Variants in ERCC8 observed in about 807,000 individuals in gnomAD.
The protein encoded by ERCC8 is ERCC excision repair 8, CSA ubiquitin ligase complex subunit, also known as DNA excision repair protein ERCC-8.
In ERCC8, 52 loss-of-function variants were observed where a neutral mutation model predicts 54.9. The observed-to-expected ratio is 0.95, with a 90% CI of 0.76 to 1.19. The LOEUF is 1.19. Among genes scored for constraint, ERCC8 ranks in the 50% most tolerant of loss-of-function variants. The probability of loss-of-function intolerance (pLI) is 0.00; values close to 1 mark genes in which losing one functional copy is unlikely to be tolerated. For synonymous variants in ERCC8, 146 were observed against 157.2 expected, an observed-to-expected ratio of 0.93 and a Z score of 0.53; for missense variants, 514 against 466.1, an observed-to-expected ratio of 1.10 and a Z score of -0.95.
At chr5:60,904,176 A>G (rs1264080169) in intron 5 of ERCC8, among the ~76,000 whole-genome samples, 1 of 152,064 alleles carries the variant, frequency 6.6e-6, no homozygotes, top group African/African-American at 2.4e-5. Context: ...TATACTTCCA[A>G]TCACTAGTAA....
At chr5:60,904,632 G>GTGTA (rs1163958700) in intron 5 of ERCC8, among the ~76,000 whole-genome samples, 160 bp downstream of exon 5, 2 of 35,886 alleles carry the variant, frequency 5.6e-5, no homozygotes, top group Non-Finnish European at 4.3e-5. Context: ...GTGTGTGTGT[G>GTGTA]TGTATATATA....
chr5:60,918,456 G>C, intron 3 of ERCC8, 68 bp from the exon 4 acceptor site: 4 of 1,373,302 alleles, frequency 2.9e-6, no homozygotes, highest in Non-Finnish European at 3.1e-6. Flanking sequence ...ACTATATTAA[G>C]AACAAGTAGT....
At chr5:60,915,070 G>T (rs996661658) in intron 4 of ERCC8, 1 of 151,890 alleles carries the variant, frequency 6.6e-6, no homozygotes, top group African/African-American at 2.4e-5. Flanking sequence ...TGTAAATTTT[G>T]AAATCATGGA....
chr5:60,887,136 GTTC>G (rs1478010048), intron 11 of ERCC8, among the ~76,000 whole-genome samples: 8 of 152,110 alleles, frequency 5.3e-5, no homozygotes, highest in Non-Finnish European at 1.2e-4. Flanking sequence ...GGAATTTTAT[GTTC>G]TTCTTTTGAT....
intron 4 of ERCC8, among the ~76,000 whole-genome samples, chr5:60,911,288 C>G (rs938230615): frequency 2.0e-5 from 3 of 151,924 alleles, no homozygotes; most frequent in Non-Finnish European, 4.4e-5. Context: ...TAATCGCCAT[C>G]CTAACTGGTG....
intron 2 of ERCC8, among the ~76,000 whole-genome samples, chr5:60,926,593 A>G (rs778724745): frequency 1.3e-5 from 2 of 152,222 alleles, no homozygotes; most frequent in African/African-American, 2.4e-5. Flanking sequence ...AAAATATTCC[A>G]CATTAGCTTT....
In ERCC8 at chr5:60,884,033, G is replaced by T. The variant is rs567026432; in HGVS notation, c.1122+3407C>A. On this transcript the variant is annotated intron_variant, in intron 11 of 11. Transcript: ENST00000676185. ...GGATTACATCTTGATTGATGGGGAGGTAACTCTCATCTGAAGAATGCATTT... is the reference window on the plus strand; with the variant it reads ...GGATTACATCTTGATTGATGGGGAGTTAACTCTCATCTGAAGAATGCATTT... Among the ~76,000 whole-genome samples the T allele has an allele frequency of 1.0e-3, 152 of 152,280 alleles. 1 individual carries two copies. The highest frequency in any genetic ancestry group is 1.9e-3 in the Non-Finnish European group (130 of 68,030).
chr5:60,904,773 AAAG>A lies in ERCC8; in HGVS notation c.481+16_481+18del. 1 of 1,518,252 alleles carries A rather than the reference AAAG, an allele frequency of 6.6e-7. No individual in the cohort carries two copies. Among genetic ancestry groups the A allele is most frequent in the African/African-American group, 1.4e-5 (1 of 72,844 alleles). The allele number at this position is 1,518,252 out of a possible 1,614,324, so 94.0% of individuals were successfully genotyped here. A position where few individuals can be genotyped will look rare whatever the true frequency, so the allele number is the denominator to read the frequency against. On this transcript the variant is annotated intron_variant, in intron 5 of 11. Transcript: ENST00000676185. ...AAAGTTTTCAGTATGTCAAAAGACAAAAGAATACACTTACAAACCTGCTACCAA... is the reference window on the plus strand; with the variant it reads ...AAAGTTTTCAGTATGTCAAAAGACAAAATACACTTACAAACCTGCTACCAA...
Position 60,874,609 on chromosome 5 carries a change from T to A in ERCC8, c.*6A>T. 1 of 1,612,870 alleles carries A rather than the reference T, an allele frequency of 6.2e-7. No individual in the cohort carries two copies. Among genetic ancestry groups the A allele is most frequent in the Admixed American group, 1.7e-5 (1 of 59,974 alleles). The stretch of plus-strand genomic sequence containing the variant: ...AGCAGAGACAAAAAGGTACTAAAGA[T>A]GATATTCATCCTTCTTCATCACTGC... On this transcript the variant is annotated 3_prime_UTR_variant, in exon 12 of 12. Coordinates refer to ENST00000676185, the MANE Select transcript of ERCC8 (RefSeq NM_000082.4).
intron 1 of ERCC8, among the ~76,000 whole-genome samples, chr5:60,941,718 C>G (rs1425152259): frequency 2.6e-5 from 4 of 152,166 alleles, no homozygotes; most frequent in Non-Finnish European, 5.9e-5. Flanking sequence ...ATTTGAATGG[C>G]TGCAGATTCC....
Position 60,871,924 on chromosome 5 carries a change from C to G in ERCC8, c.*2691G>C, listed in dbSNP as rs1392157860. On this transcript the variant is annotated 3_prime_UTR_variant, in exon 12 of 12. Coordinates refer to ENST00000676185, the MANE Select transcript of ERCC8 (RefSeq NM_000082.4). ...CAAGTGATTCCCCAGCCTGAGTCTC[C>G]CAAGTAGCTGGGACTACAGGTGTGC... 6.6e-6 allele frequency among the ~76,000 whole-genome samples: 1 copy of G among 152,052 alleles called. No homozygotes were observed. Among genetic ancestry groups the G allele is most frequent in the East Asian group, 1.9e-4 (1 of 5,198 alleles).
At chr5:60,921,808 T>G in intron 3 of ERCC8, among the ~76,000 whole-genome samples, 1 of 151,888 alleles carries the variant, frequency 6.6e-6, no homozygotes. Flanking sequence ...AATCACAAGT[T>G]TTTTAAAAAT....
In ERCC8 at chr5:60,870,476, C is replaced by T. The variant is rs1176607553; in HGVS notation, c.*4139G>A. ...CCTGGCCAACATGGTGAAACCCCAC[C>T]TCTGCTAAAAAAAAAAAAAAAAAAA... On this transcript the variant is annotated 3_prime_UTR_variant, in exon 12 of 12. Transcript: ENST00000676185. Among the ~76,000 whole-genome samples the T allele has an allele frequency of 5.9e-5, 7 of 117,830 alleles. No individual in the cohort carries two copies. Among genetic ancestry groups the T allele is most frequent in the African/African-American group, 2.5e-4 (7 of 28,240 alleles). The allele number at this position is 117,830 out of a possible 152,430, so 77.3% of individuals were successfully genotyped here.
At chr5:60,895,696 G>T (rs1280649662) in intron 9 of ERCC8, among the ~76,000 whole-genome samples, 1 of 152,162 alleles carries the variant, frequency 6.6e-6, no homozygotes, top group Non-Finnish European at 1.5e-5. Flanking sequence ...ATGATATGGG[G>T]GTGGGGTGAC....
intron 4 of ERCC8, among the ~76,000 whole-genome samples, chr5:60,906,359 TCTC>T (rs956991894): frequency 1.4e-4 from 21 of 151,944 alleles, no homozygotes; most frequent in Admixed American, 2.6e-4. Flanking sequence ...TTCAGGCTTG[TCTC>T]CTCCTCCTAG....
rs4647048 is a variant in ERCC8 at position 60,940,199 on chromosome 5, C to T, written c.77+4733G>A. 7.2e-3 allele frequency among the ~76,000 whole-genome samples: 1,090 copies of T among 152,228 alleles called. 10 individuals carry two copies. The highest frequency in any genetic ancestry group is 0.025 in the African/African-American group (1,031 of 41,530). On this transcript the variant is annotated intron_variant, in intron 1 of 11. Coordinates refer to ENST00000676185, the MANE Select transcript of ERCC8 (RefSeq NM_000082.4). ...AATACTTCAGTTCTGGGTAATACTA[C>T]TATAAAAACTAAACAAAATGCAGAG...
chr5:60,869,643 G>A lies in ERCC8; in HGVS notation c.*4972C>T, dbSNP rs1249294498. 6.6e-6 allele frequency among the ~76,000 whole-genome samples: 1 copy of A among 152,108 alleles called. No homozygotes were observed. Among genetic ancestry groups the A allele is most frequent in the Non-Finnish European group, 1.5e-5 (1 of 68,008 alleles). ...GTGTTCCCTTAATTCTAAAGTAAAG[G>A]CATGGTAGCAAGTTTAAAAGAGAGG... On this transcript the variant is annotated 3_prime_UTR_variant, in exon 12 of 12. Transcript: ENST00000676185.
intron 11 of ERCC8, among the ~76,000 whole-genome samples, chr5:60,883,495 A>C (rs1748307396): frequency 6.6e-6 from 1 of 152,212 alleles, no homozygotes; most frequent in Non-Finnish European, 1.5e-5. Flanking sequence ...AGATAGTGTC[A>C]ATGTTATAGA....
chr5:60,918,187 A>G lies in ERCC8; in HGVS notation c.399+78T>C, dbSNP rs1385300882. 2.6e-6 allele frequency: 3 copies of G among 1,155,588 alleles called. No homozygotes were observed. The African/African-American group carries it at 4.5e-5, about 18-fold the overall frequency. The allele number at this position is 1,155,588 out of a possible 1,614,324, so 71.6% of individuals were successfully genotyped here. A position where few individuals can be genotyped will look rare whatever the true frequency, so the allele number is the denominator to read the frequency against. On this transcript the variant is annotated intron_variant, in intron 4 of 11. Coordinates refer to ENST00000676185, the MANE Select transcript of ERCC8 (RefSeq NM_000082.4). ...TCTAACATATATGACATCTCAGCAA[A>G]TAATCATACTAAAATGGTTTAGGAT...
Sources: gnomAD v4.1 joint callset for allele counts (sites outside exome capture counted in the v4.1 genomes callset) on GRCh38, gnomAD v4.1.1 for gene constraint, MANE v1.5 for transcripts, NCBI Gene and HGNC (gene_info 2026-07-23, HGNC 2026-07-21) for gene names.